Variants in KIF9 observed in about 807,000 individuals in gnomAD.
KIF9 encodes kinesin-like protein KIF9.
KIF9 carries 68 observed loss-of-function variants against 94.8 expected under a neutral mutation model. The observed-to-expected ratio is 0.72, with a 90% confidence interval of 0.59 to 0.88. The LOEUF is 0.88. KIF9 is among the 40% of genes least tolerant of loss of function. The pLI is 0.00. For missense variants in KIF9, 882 were observed against 982.5 expected, an observed-to-expected ratio of 0.90 and a Z score of 1.37; for synonymous variants, 343 against 362.1, an observed-to-expected ratio of 0.95 and a Z score of 0.60.
At chr3:47,240,378 T>G (rs1699378712) in intron 17 of KIF9, among the ~76,000 whole-genome samples, 1 of 152,004 alleles carries the variant, frequency 6.6e-6, no homozygotes, top group African/African-American at 2.4e-5. Flanking sequence ...CCTTACTTGG[T>G]TTTTCATAGT....
At position 47,244,807 on chromosome 3, in the gene KIF9, A is replaced by G. The variant is rs565844112; in HGVS notation, c.1498T>C (p.Phe500Leu). Residue 500 changes from phenylalanine (F) to leucine (L), a missense_variant, in exon 15 of 21, where the codon TTC becomes CTC. Phe to Leu is a conservative substitution (Grantham distance 22). Transcript: ENST00000684063. ...PGKKAKSKKT[F>L]KEPLSSLARK... ...GTCACTCACCTGAGTGGCTCTTTGAATGTCTTCTTGGACTTGGCTTTCTTC... is the reference window on the plus strand; with the variant it reads ...GTCACTCACCTGAGTGGCTCTTTGAGTGTCTTCTTGGACTTGGCTTTCTTC... 8.1e-6 allele frequency: 13 copies of G among 1,614,018 alleles called. No individual in the cohort carries two copies. Among genetic ancestry groups the G allele is most frequent in the Non-Finnish European group, 1.1e-5 (13 of 1,180,024 alleles).
chr3:47,237,084 C>T (rs1699079036), intron 17 of KIF9, among the ~76,000 whole-genome samples: 1 of 152,142 alleles, frequency 6.6e-6, no homozygotes, highest in Admixed American at 6.6e-5. Context: ...TACACACATC[C>T]ACCAGCTACT....
At chr3:47,267,880 T>C (rs1428441053) in intron 5 of KIF9, among the ~76,000 whole-genome samples, 1 of 149,864 alleles carries the variant, frequency 6.7e-6, no homozygotes, top group Non-Finnish European at 1.5e-5. Flanking sequence ...TCCTTTTTTT[T>C]TTTTTTTTTG....
At chr3:47,231,431 T>TTA (rs397874700) in intron 20 of KIF9, among the ~76,000 whole-genome samples, 1 of 119,200 alleles carries the variant, frequency 8.4e-6, no homozygotes, top group Non-Finnish European at 1.8e-5. Flanking sequence ...TTTTTTTTTT[T>TTA]AGACAGTTTC....
rs752135475 is a variant in KIF9 at position 47,257,495 on chromosome 3, CT to C, written c.1046del (p.Lys349SerfsTer15). 8 of 1,613,902 alleles carry C rather than the reference CT, an allele frequency of 5.0e-6. No individual in the cohort carries two copies. Among genetic ancestry groups the C allele is most frequent in the Non-Finnish European group, 6.8e-6 (8 of 1,179,960 alleles). On this transcript the variant is annotated frameshift_variant, in exon 10 of 21. Transcript: ENST00000684063. LOFTEE classifies it high-confidence loss of function. ...LVTTEPAINE[K>X]YDAERMVKNL... ...ACCCCTGCTGTACCTCAGCATCATA[CT>C]TTTCATTGATGGCAGGCTCAGTGGT...
intron 10 of KIF9, among the ~76,000 whole-genome samples, chr3:47,255,464 T>C (rs1332083786): frequency 6.6e-6 from 1 of 152,182 alleles, no homozygotes. Flanking sequence ...GTCCACACTT[T>C]AGCCCTTAGC....
At chr3:47,256,968 A>G (rs1700656428) in intron 10 of KIF9, among the ~76,000 whole-genome samples, 1 of 151,632 alleles carries the variant, frequency 6.6e-6, no homozygotes, top group Non-Finnish European at 1.5e-5. Context: ...AGTCATCACC[A>G]CTCCCTAATC....
At chr3:47,240,619 G>A (rs1360190704) in intron 17 of KIF9, among the ~76,000 whole-genome samples, 182 bp downstream of exon 17, 1 of 152,124 alleles carries the variant, frequency 6.6e-6, no homozygotes, top group African/African-American at 2.4e-5. Context: ...CTGACAGGGA[G>A]GACTCTGCGG....
Position 47,243,031 on chromosome 3 carries a change from A to C in KIF9, c.1709+20T>G, listed in dbSNP as rs1439554443. 2 of 1,581,928 alleles carry C rather than the reference A, an allele frequency of 1.3e-6. No individual in the cohort carries two copies. The highest frequency in any genetic ancestry group is 1.7e-6 in the Non-Finnish European group (2 of 1,154,580). On this transcript the variant is annotated intron_variant, in intron 16 of 20. Transcript: ENST00000684063. ...ATGGTTTTGTTTGATCTGGTGCAGA[A>C]GCTAACATTAGCTGATTACCTAATT...
intron 5 of KIF9, among the ~76,000 whole-genome samples, chr3:47,269,326 G>A (rs1701491730): frequency 6.6e-6 from 1 of 152,204 alleles, no homozygotes; most frequent in African/African-American, 2.4e-5. Flanking sequence ...CTATTACCCA[G>A]GTTGGAGTGC....
intron 17 of KIF9, 84 bp from the exon 18 acceptor site, chr3:47,236,703 G>A: frequency 7.9e-7 from 1 of 1,261,810 alleles, no homozygotes; most frequent in South Asian, 1.3e-5. Context: ...GGTGGGCACA[G>A]AGCTGGCAAA....
At chr3:47,245,196 G>A (rs1699842644) in intron 14 of KIF9, 4 of 599,592 alleles carry the variant, frequency 6.7e-6, no homozygotes, top group South Asian at 6.3e-5. Flanking sequence ...CCTAATTCCA[G>A]GAAATCGTCT....
Position 47,247,485 on chromosome 3 carries a change from G to C in KIF9, c.1129-8C>G. Reference sequence around the variant, plus strand: ...CACAAAGGTGCGGTTGGTCTTGAAGGAGGATGAAGAACATGTGGATAAGCA... The same window carrying C: ...CACAAAGGTGCGGTTGGTCTTGAAGCAGGATGAAGAACATGTGGATAAGCA... On this transcript the variant is annotated splice_region_variant and splice_polypyrimidine_tract_variant and intron_variant, in intron 11 of 20. Transcript: ENST00000684063. The C allele has an allele frequency of 6.2e-7, 1 of 1,601,320 alleles. No individual in the cohort carries two copies. Among genetic ancestry groups the C allele is most frequent in the Non-Finnish European group, 8.6e-7 (1 of 1,168,584 alleles).
Position 47,228,457 on chromosome 3 carries a change from C to T in KIF9, c.*195G>A. The T allele has an allele frequency of 1.6e-6, 1 of 633,862 alleles. No homozygotes were observed. The highest frequency in any genetic ancestry group is 1.8e-5 in the African/African-American group (1 of 55,148). The allele number at this position is 633,862 out of a possible 1,614,324, so 39.3% of individuals were successfully genotyped here. A position where few individuals can be genotyped will look rare whatever the true frequency, so the allele number is the denominator to read the frequency against. ...TGCATATAAGACAGTGAATTAAAAC[C>T]CAAAGTGCTCTGTGGAGATGAGCAA... On this transcript the variant is annotated 3_prime_UTR_variant, in exon 21 of 21. Transcript: ENST00000684063.
intron 12 of KIF9, chr3:47,246,509 A>G (rs1350216718): frequency 3.7e-6 from 1 of 272,950 alleles, no homozygotes; most frequent in African/African-American, 2.2e-5. Context: ...GGAGACCTCT[A>G]TAAAATGAAA....
chr3:47,272,925 T>C (rs950609119), intron 4 of KIF9, among the ~76,000 whole-genome samples: 1 of 152,148 alleles, frequency 6.6e-6, no homozygotes, highest in African/African-American at 2.4e-5. Flanking sequence ...TCCTGTCCTA[T>C]AACACTTCTT....
intron 10 of KIF9, among the ~76,000 whole-genome samples, chr3:47,256,629 C>G (rs968515244): frequency 2.6e-5 from 4 of 152,188 alleles, no homozygotes; most frequent in African/African-American, 4.8e-5. Context: ...GCCACCACCC[C>G]GTCTGGGAGG....
At position 47,264,086 on chromosome 3, in the gene KIF9, C is replaced by T; in HGVS notation, c.981+200G>A. 9 of 582,032 alleles carry T rather than the reference C, an allele frequency of 1.5e-5. No homozygotes were observed. In the South Asian group the frequency reaches 1.6e-4, roughly 10 times the overall value. The allele number at this position is 582,032 out of a possible 1,614,324, so 36.1% of individuals were successfully genotyped here. A position where few individuals can be genotyped will look rare whatever the true frequency, so the allele number is the denominator to read the frequency against. On this transcript the variant is annotated intron_variant, in intron 9 of 20. Transcript: ENST00000684063. ...GCCTGCCTGCTGGCTGGCCCTTTTCCTCCGCACAGCTTAGTGCTTGGTGTG... is the reference window on the plus strand; with the variant it reads ...GCCTGCCTGCTGGCTGGCCCTTTTCTTCCGCACAGCTTAGTGCTTGGTGTG...
rs770336839 is a variant in KIF9, at chr3:47,277,296, C to T, written c.79G>A (p.Gly27Arg). The T allele has an allele frequency of 5.0e-6, 8 of 1,613,548 alleles. No individual in the cohort carries two copies. Among genetic ancestry groups the T allele is most frequent in the Non-Finnish European group, 4.2e-6 (5 of 1,179,708 alleles). Residue 27 changes from glycine (G) to arginine (R), a missense_variant, in exon 2 of 21, where the codon GGA becomes AGA. Gly to Arg is a moderately radical substitution (Grantham distance 125). Coordinates refer to ENST00000684063, the MANE Select transcript of KIF9 (RefSeq NM_182902.4). ...DDFAHEMIRY[G>R]DDKRSIDIHL... ...ATCGCACTTACTCTTTTGTCATCTC[C>T]GTATCTGATCATTTCATGAGCAAAG...
Sources: gnomAD v4.1 joint callset for allele counts (sites outside exome capture counted in the v4.1 genomes callset) on GRCh38, gnomAD v4.1.1 for gene constraint, MANE v1.5 for transcripts, NCBI Gene and HGNC (gene_info 2026-07-23, HGNC 2026-07-21) for gene names.